Variants in UGT8 observed in about 807,000 individuals in gnomAD.
The protein encoded by UGT8 is 2-hydroxyacylsphingosine 1-beta-galactosyltransferase.
Under a neutral mutation model 40.5 loss-of-function variants are expected in UGT8, and 12 were observed. That is an observed-to-expected ratio of 0.30 (90% confidence interval 0.19 to 0.48). UGT8 has a LOEUF of 0.48. Among genes scored for constraint, UGT8 ranks in the 20% least tolerant of loss-of-function variants. The probability of loss-of-function intolerance (pLI) is 0.99; values close to 1 mark genes in which losing one functional copy is unlikely to be tolerated. For synonymous variants in UGT8, 224 were observed against 240.4 expected (o/e 0.93, Z 0.63); for missense variants, 513 against 648.7 (o/e 0.79, Z 2.27).
chr4:114,669,877 G>T (rs1209859718), intron 5 of UGT8, among the ~76,000 whole-genome samples: 1 of 152,146 alleles, frequency 6.6e-6, no homozygotes, highest in African/African-American at 2.4e-5. Context: ...CCAGTGATTT[G>T]TGTAGCATGT....
At chr4:114,599,545 G>A (rs1054541023) in intron 1 of UGT8, among the ~76,000 whole-genome samples, 7 of 152,184 alleles carry the variant, frequency 4.6e-5, no homozygotes, top group African/African-American at 1.7e-4. Flanking sequence ...GAGACTTTTC[G>A]GGGCCCGCCG....
At chr4:114,661,377 C>T (rs935299154) in intron 2 of UGT8, among the ~76,000 whole-genome samples, 1 of 152,022 alleles carries the variant, frequency 6.6e-6, no homozygotes, top group African/African-American at 2.4e-5. Context: ...GTCTTAAATT[C>T]CAAAAAATCC....
chr4:114,652,252 G>C (rs530632738), intron 2 of UGT8, among the ~76,000 whole-genome samples: 2 of 152,148 alleles, frequency 1.3e-5, no homozygotes, highest in Non-Finnish European at 2.9e-5. Flanking sequence ...AGAGAGTAAA[G>C]TCACCAGAGT....
chr4:114,670,951 C>G (rs1335773221), intron 5 of UGT8, among the ~76,000 whole-genome samples: 2 of 152,152 alleles, frequency 1.3e-5, no homozygotes, highest in Non-Finnish European at 2.9e-5. Context: ...CTGAAAGGAA[C>G]TTCAGCAAAG....
intron 1 of UGT8, among the ~76,000 whole-genome samples, chr4:114,615,094 G>GT (rs995984919): frequency 1.3e-5 from 2 of 151,966 alleles, no homozygotes; most frequent in African/African-American, 4.8e-5. Flanking sequence ...ATAAAGCTTA[G>GT]TTTTTCCCAG....
At chr4:114,642,414 A>G (rs1053159406) in intron 2 of UGT8, among the ~76,000 whole-genome samples, 5 of 152,126 alleles carry the variant, frequency 3.3e-5, no homozygotes, top group Admixed American at 2.6e-4. Context: ...GCTTGTAGCA[A>G]GATTAACATA....
At chr4:114,599,296 G>A (rs1276607309) in intron 1 of UGT8, among the ~76,000 whole-genome samples, 2 of 152,264 alleles carry the variant, frequency 1.3e-5, no homozygotes, top group Non-Finnish European at 2.9e-5. Context: ...TGCGCTCAAG[G>A]CAGAGGGAGG....
At chr4:114,608,387 A>C (rs1730855303) in intron 1 of UGT8, among the ~76,000 whole-genome samples, 1 of 152,206 alleles carries the variant, frequency 6.6e-6, no homozygotes, top group Non-Finnish European at 1.5e-5. Context: ...CAGAGAGAAG[A>C]TATTCAAACA....
chr4:114,634,876 T>C (rs1732791367), intron 2 of UGT8, among the ~76,000 whole-genome samples: 2 of 152,194 alleles, frequency 1.3e-5, no homozygotes, highest in South Asian at 2.1e-4. Context: ...GCCTTATACA[T>C]ACATTAAAAT....
chr4:114,611,546 T>TATACAC (rs55742419), intron 1 of UGT8, among the ~76,000 whole-genome samples: 10 of 140,646 alleles, frequency 7.1e-5, no homozygotes. Flanking sequence ...TATATATATA[T>TATACAC]ACACACACAC....
chr4:114,599,308 T>A (rs1034931799), intron 1 of UGT8, among the ~76,000 whole-genome samples: 1 of 151,386 alleles, frequency 6.6e-6, no homozygotes, highest in African/African-American at 2.4e-5. Flanking sequence ...AGAGGGAGGG[T>A]ATAACGGGGA....
intron 2 of UGT8, 93 bp downstream of exon 2, chr4:114,623,795 G>A: frequency 7.1e-7 from 1 of 1,403,514 alleles, no homozygotes; most frequent in Non-Finnish European, 9.4e-7. Flanking sequence ...TATATATATT[G>A]TATATATACA....
At chr4:114,675,860 G>T in intron 5 of UGT8, 65 bp from the exon 6 acceptor site, 2 of 1,479,624 alleles carry the variant, frequency 1.4e-6, no homozygotes, top group South Asian at 1.4e-5. Context: ...TTTAAATGAA[G>T]ATATGCATAA....
At chr4:114,674,759 G>T (rs1291144113) in intron 5 of UGT8, among the ~76,000 whole-genome samples, 1 of 152,074 alleles carries the variant, frequency 6.6e-6, no homozygotes, top group Non-Finnish European at 1.5e-5. Context: ...CCAATCTTTT[G>T]TTCCTCTATA....
intron 1 of UGT8, among the ~76,000 whole-genome samples, chr4:114,610,341 T>C (rs925238918): frequency 5.3e-5 from 8 of 152,192 alleles, no homozygotes; most frequent in East Asian, 1.9e-4. Context: ...TTAATGAAAA[T>C]ATATGGTTTT....
At chr4:114,675,861 A>C in intron 5 of UGT8, 64 bp from the exon 6 acceptor site, 1 of 1,513,018 alleles carries the variant, frequency 6.6e-7, no homozygotes, top group South Asian at 1.4e-5. Flanking sequence ...TTAAATGAAG[A>C]TATGCATAAA....
chr4:114,608,867 G>C lies in UGT8; in HGVS notation c.-3+9893G>C, dbSNP rs73846453. On this transcript the variant is annotated intron_variant, in intron 1 of 5. Coordinates refer to ENST00000310836, the MANE Select transcript of UGT8 (RefSeq NM_001128174.3). Reference sequence around the variant, plus strand: ...TAGTTGGAGAAAATAATGATTATATGCATGAGGAAGATAACTTAGGAAGCA... The same window carrying C: ...TAGTTGGAGAAAATAATGATTATATCCATGAGGAAGATAACTTAGGAAGCA... Among the ~76,000 whole-genome samples, 925 of 152,200 alleles carry C rather than the reference G, an allele frequency of 6.1e-3. 12 individuals carry two copies. Among genetic ancestry groups the C allele is most frequent in the African/African-American group, 0.021 (858 of 41,540 alleles).
intron 1 of UGT8, among the ~76,000 whole-genome samples, chr4:114,611,365 C>T (rs1731025835): frequency 6.9e-6 from 1 of 144,904 alleles, no homozygotes; most frequent in African/African-American, 2.6e-5. Context: ...AATAGAAACC[C>T]ACATCTTTTT....
chr4:114,655,073 T>G lies in UGT8; in HGVS notation c.823-8922T>G, dbSNP rs146689592. 8.4e-4 allele frequency among the ~76,000 whole-genome samples: 128 copies of G among 152,104 alleles called. 1 individual carries two copies. Among genetic ancestry groups the G allele is most frequent in the African/African-American group, 3.0e-3 (125 of 41,548 alleles). ...CCTAGTTTTTTGTTTTTTGTTTTTT[T>G]TTTTGTAAAGTAATTTGCAGCTTAT... On this transcript the variant is annotated intron_variant, in intron 2 of 5. Transcript: ENST00000310836.
Sources: gnomAD v4.1 joint callset for allele counts (sites outside exome capture counted in the v4.1 genomes callset) on GRCh38, gnomAD v4.1.1 for gene constraint, MANE v1.5 for transcripts, NCBI Gene and HGNC (gene_info 2026-07-23, HGNC 2026-07-21) for gene names.